SMYD3: variants seen among roughly 807,000 people sequenced by gnomAD.
SMYD3 encodes SET and MYND domain containing 3.
SMYD3 carries 36 observed loss-of-function variants against 57.7 expected under a neutral mutation model. The ratio of observed to expected loss-of-function variants is 0.62; its 90% CI spans 0.48 to 0.82. The LOEUF (loss-of-function observed/expected upper bound fraction) is 0.82, where lower values mean the gene tolerates loss of function less well. Ranked by LOEUF, SMYD3 falls within the 40% of genes least tolerant of loss-of-function variation. The pLI is 0.00. For missense variants in SMYD3, 515 were observed against 538.8 expected, an observed-to-expected ratio of 0.96 and a Z score of 0.44; for synonymous variants, 211 against 195.0, an observed-to-expected ratio of 1.08 and a Z score of -0.68.
At chr1:245,895,047 A>G (rs926429648) in intron 8 of SMYD3, among the ~76,000 whole-genome samples, 1 of 152,236 alleles carries the variant, frequency 6.6e-6, no homozygotes, top group African/African-American at 2.4e-5. Flanking sequence ...CACAATAGCT[A>G]CATTGTTTAT....
chr1:246,504,791 T>C (rs1442236126), intron 1 of SMYD3, among the ~76,000 whole-genome samples: 1 of 152,218 alleles, frequency 6.6e-6, no homozygotes, highest in African/African-American at 2.4e-5. Context: ...AACTGAAAGA[T>C]GCACTATTCT....
chr1:246,144,593 C>T (rs752175167), intron 5 of SMYD3, among the ~76,000 whole-genome samples: 36 of 152,136 alleles, frequency 2.4e-4, no homozygotes, highest in Non-Finnish European at 4.9e-4. Flanking sequence ...TTGCTTTTAT[C>T]TTTTTATTTT....
chr1:245,815,994 C>T (rs776168810), intron 10 of SMYD3, among the ~76,000 whole-genome samples: 2 of 152,136 alleles, frequency 1.3e-5, no homozygotes, highest in South Asian at 2.1e-4. Context: ...AGGTAAGTTG[C>T]GGCATGCCAT....
chr1:246,045,470 C>G (rs902124908), intron 5 of SMYD3, among the ~76,000 whole-genome samples: 13 of 152,082 alleles, frequency 8.5e-5, no homozygotes, highest in African/African-American at 3.1e-4. Context: ...ACACTTTATA[C>G]AAAAATTAAT....
At chr1:246,291,259 T>C (rs1478657230) in intron 5 of SMYD3, among the ~76,000 whole-genome samples, 1 of 152,224 alleles carries the variant, frequency 6.6e-6, no homozygotes, top group Non-Finnish European at 1.5e-5. Context: ...AAATTTGCAA[T>C]TCAAATTTGA....
chr1:245,871,675 G>C (rs1034441663), intron 8 of SMYD3, among the ~76,000 whole-genome samples: 1 of 152,188 alleles, frequency 6.6e-6, no homozygotes, highest in Non-Finnish European at 1.5e-5. Flanking sequence ...CCCTGCTGCC[G>C]AGCTGTGTAG....
chr1:246,229,938 A>G (rs1327013968), intron 5 of SMYD3, among the ~76,000 whole-genome samples: 1 of 152,206 alleles, frequency 6.6e-6, no homozygotes, highest in African/African-American at 2.4e-5. Flanking sequence ...TTAAACCTAA[A>G]ACAGACTTAT....
intron 5 of SMYD3, among the ~76,000 whole-genome samples, chr1:246,108,042 G>A (rs2147967064): frequency 6.6e-6 from 1 of 152,322 alleles, no homozygotes; most frequent in Middle Eastern, 3.4e-3. Flanking sequence ...AAAGTCCAGA[G>A]AAACTTGGCC....
chr1:246,273,815 C>T (rs932251270), intron 5 of SMYD3, among the ~76,000 whole-genome samples: 1 of 151,492 alleles, frequency 6.6e-6, no homozygotes, highest in Non-Finnish European at 1.5e-5. Context: ...GAACTCCTGG[C>T]CTCGTGGTCC....
At chr1:245,854,614 T>C (rs998555407) in intron 10 of SMYD3, among the ~76,000 whole-genome samples, 3 of 151,582 alleles carry the variant, frequency 2.0e-5, no homozygotes, top group African/African-American at 4.8e-5. Flanking sequence ...TCTCTCTTTT[T>C]CCCGCACACT....
At chr1:245,953,423 GT>G in intron 5 of SMYD3, 1 of 872,016 alleles carries the variant, frequency 1.1e-6, no homozygotes, top group Non-Finnish European at 1.4e-6. Context: ...GGTTCAGTTT[GT>G]TTTGTTTTGT....
At chr1:245,771,449 G>A (rs2046332899) in intron 10 of SMYD3, among the ~76,000 whole-genome samples, 1 of 152,186 alleles carries the variant, frequency 6.6e-6, no homozygotes, top group Non-Finnish European at 1.5e-5. Context: ...ATAGCCTCAA[G>A]TTTCAAAAGA....
At chr1:246,122,271 C>G (rs2061436384) in intron 5 of SMYD3, among the ~76,000 whole-genome samples, 1 of 151,952 alleles carries the variant, frequency 6.6e-6, no homozygotes. Flanking sequence ...AATTAGCCAG[C>G]AATGGTGATG....
At chr1:246,293,418 G>A (rs1049987125) in intron 5 of SMYD3, among the ~76,000 whole-genome samples, 2 of 152,122 alleles carry the variant, frequency 1.3e-5, no homozygotes, top group African/African-American at 2.4e-5. Flanking sequence ...TAATTAAACT[G>A]TAACTTATTT....
intron 5 of SMYD3, among the ~76,000 whole-genome samples, chr1:246,072,187 G>T (rs2788004): frequency 0.66 from 16,708 of 25,338 alleles, 5,578 homozygotes; most frequent in Admixed American, 0.73. Flanking sequence ...CTGTTAGTTC[G>T]GGGGAGGGAT....
intron 1 of SMYD3, among the ~76,000 whole-genome samples, chr1:246,459,411 G>A (rs113143403): frequency 6.6e-6 from 1 of 150,426 alleles, no homozygotes; most frequent in Admixed American, 6.6e-5. Context: ...GAGTTCTCGC[G>A]AGATCTTGTT....
chr1:246,098,273 T>G (rs1373797489), intron 5 of SMYD3, among the ~76,000 whole-genome samples: 1 of 152,206 alleles, frequency 6.6e-6, no homozygotes, highest in Non-Finnish European at 1.5e-5. Context: ...CAATAGTTTA[T>G]TTCAAATATT....
intron 1 of SMYD3, among the ~76,000 whole-genome samples, chr1:246,444,359 T>C (rs546530923): frequency 2.0e-5 from 3 of 152,126 alleles, no homozygotes; most frequent in South Asian, 2.1e-4. Context: ...CTCCTGACCT[T>C]GTGATCCACC....
At chr1:245,794,991 T>A (rs1014453157) in intron 10 of SMYD3, among the ~76,000 whole-genome samples, 3 of 152,192 alleles carry the variant, frequency 2.0e-5, no homozygotes, top group African/African-American at 7.2e-5. Flanking sequence ...TCTCAGTGGT[T>A]CTCTTTTTGA....
Sources: gnomAD v4.1 joint callset for allele counts (sites outside exome capture counted in the v4.1 genomes callset) on GRCh38, gnomAD v4.1.1 for gene constraint, MANE v1.5 for transcripts, NCBI Gene and HGNC (gene_info 2026-07-23, HGNC 2026-07-21) for gene names.